The following IL1RAPL2 variants were observed in gnomAD, a reference collection of about 807,000 sequenced individuals.
The protein encoded by IL1RAPL2 is interleukin 1 receptor accessory protein like 2.
A neutral mutation model predicts 44.1 loss-of-function variants in IL1RAPL2; 3 were observed. That is an observed-to-expected ratio of 0.07 (90% CI 0.03 to 0.18). The LOEUF is 0.18. Among genes scored for constraint, IL1RAPL2 ranks in the 10% least tolerant of loss-of-function variants. The probability of loss-of-function intolerance (pLI) is 1.00; values close to 1 mark genes in which losing one functional copy is unlikely to be tolerated. For missense variants in IL1RAPL2, 391 were observed against 496.4 expected (o/e 0.79, Z 2.02); for synonymous variants, 181 against 178.8 (o/e 1.01, Z -0.10).
intron 2 of IL1RAPL2, among the ~76,000 whole-genome samples, chrX:105,118,759 ATAGT>A (rs1296061943): frequency 8.9e-6 from 1 of 112,360 alleles, no homozygotes; most frequent in Non-Finnish European, 1.9e-5. Context: ...TCATGCACAG[ATAGT>A]TATTACCCTG....
At chrX:104,627,920 GA>G (rs772273871) in intron 1 of IL1RAPL2, among the ~76,000 whole-genome samples, 5 of 108,050 alleles carry the variant, frequency 4.6e-5, no homozygotes, top group East Asian at 2.9e-4. Context: ...TCATTGAAAA[GA>G]AAAAAAAATC....
chrX:104,653,656 G>C (rs1158160869), intron 1 of IL1RAPL2, among the ~76,000 whole-genome samples: 1 of 111,165 alleles, frequency 9.0e-6, no homozygotes, highest in Non-Finnish European at 1.9e-5. Flanking sequence ...CTGAATTTAG[G>C]ATATCAGGTA....
chrX:104,837,163 A>G (rs1921764817), intron 2 of IL1RAPL2, among the ~76,000 whole-genome samples: 1 of 111,340 alleles, frequency 9.0e-6, no homozygotes, highest in Non-Finnish European at 1.9e-5. Context: ...TGTCTTTGCT[A>G]TTGTAAATAA....
chrX:105,335,691 A>G (rs1013327134), intron 5 of IL1RAPL2, among the ~76,000 whole-genome samples: 1 of 111,238 alleles, frequency 9.0e-6, no homozygotes, highest in African/African-American at 3.3e-5. Context: ...ACCACCTCAA[A>G]TAGTTGGATC....
chrX:105,242,895 T>A (rs7065394), intron 4 of IL1RAPL2, among the ~76,000 whole-genome samples: 8,639 of 109,469 alleles, frequency 0.079, 891 homozygotes, highest in African/African-American at 0.27. Flanking sequence ...AGGTCAGGAG[T>A]TCGAGACCAG....
chrX:105,733,600 A>C (rs1044948371), intron 7 of IL1RAPL2, among the ~76,000 whole-genome samples: 8 of 110,980 alleles, frequency 7.2e-5, no homozygotes, highest in Non-Finnish European at 1.5e-4. Context: ...CTATTGACAT[A>C]TCTTCAAATG....
chrX:105,438,888 G>C (rs1330447646), intron 5 of IL1RAPL2, among the ~76,000 whole-genome samples: 1 of 110,887 alleles, frequency 9.0e-6, no homozygotes, highest in South Asian at 3.9e-4. Flanking sequence ...CAAATCTCAT[G>C]TGGAATTGGA....
intron 1 of IL1RAPL2, among the ~76,000 whole-genome samples, chrX:104,603,242 C>A (rs1392606371): frequency 9.0e-6 from 1 of 110,935 alleles, no homozygotes; most frequent in Non-Finnish European, 1.9e-5. Context: ...AGGGGTCTGT[C>A]AGAAGGAAAA....
At chrX:105,026,583 T>C in intron 2 of IL1RAPL2, among the ~76,000 whole-genome samples, 1 of 110,701 alleles carries the variant, frequency 9.0e-6, no homozygotes, top group Non-Finnish European at 1.9e-5. Context: ...AAAAAAGTAA[T>C]TCTGTTTACA....
At chrX:105,123,810 C>T (rs1453768539) in intron 2 of IL1RAPL2, among the ~76,000 whole-genome samples, 1 of 110,913 alleles carries the variant, frequency 9.0e-6, no homozygotes, top group African/African-American at 3.3e-5. Flanking sequence ...TATCAACGTT[C>T]TCTTTTTATC....
intron 6 of IL1RAPL2, among the ~76,000 whole-genome samples, chrX:105,683,609 T>TA (rs1238375876): frequency 5.5e-5 from 6 of 108,657 alleles, no homozygotes; most frequent in South Asian, 3.9e-4. Flanking sequence ...ATTTGAAGAG[T>TA]AAAAAAACAG....
chrX:105,084,757 A>G (rs1224982694), intron 2 of IL1RAPL2, among the ~76,000 whole-genome samples: 6 of 111,484 alleles, frequency 5.4e-5, no homozygotes, highest in African/African-American at 2.0e-4. Flanking sequence ...TATAAAAAGT[A>G]CATGACATTT....
At chrX:105,695,934 T>C (rs967291310) in intron 6 of IL1RAPL2, among the ~76,000 whole-genome samples, 11 of 112,136 alleles carry the variant, frequency 9.8e-5, no homozygotes, top group African/African-American at 2.9e-4. Context: ...GCATACAATA[T>C]TCTCTAATGA....
At chrX:104,816,418 C>T (rs1490417496) in intron 2 of IL1RAPL2, among the ~76,000 whole-genome samples, 1 of 112,196 alleles carries the variant, frequency 8.9e-6, no homozygotes, top group East Asian at 2.8e-4. Flanking sequence ...TAGAGGAAGG[C>T]ACGCAGTGAG....
intron 1 of IL1RAPL2, among the ~76,000 whole-genome samples, chrX:104,604,563 T>C (rs1213180469): frequency 1.0e-5 from 1 of 99,315 alleles, no homozygotes; most frequent in Non-Finnish European, 2.0e-5. Context: ...AGAAGACCCA[T>C]CTCATGTGCA....
rs199567660 is a variant in IL1RAPL2, at chrX:104,626,824, C to CTTTT, written c.-19-32060_-19-32057dup. ...TCCAATTGTAGTGTTTTGTAGATAA[C>CTTTT]TTTTTTTTTTTTTTGAGACAGAGTC... is the stretch of plus-strand genomic sequence containing the variant. On this transcript the variant is annotated intron_variant, in intron 1 of 10. Transcript: ENST00000372582. Among the ~76,000 whole-genome samples the CTTTT allele has an allele frequency of 4.0e-5, 4 of 98,838 alleles. 1 individual carries two copies. Among genetic ancestry groups the CTTTT allele is most frequent in the Non-Finnish European group, 6.1e-5 (3 of 48,956 alleles). 85.8% of individuals were successfully genotyped at this position (98,838 alleles called of 115,157 possible).
intron 6 of IL1RAPL2, among the ~76,000 whole-genome samples, chrX:105,565,219 T>C (rs2036966392): frequency 8.9e-6 from 1 of 111,781 alleles, no homozygotes; most frequent in Non-Finnish European, 1.9e-5. Flanking sequence ...TTTAGAATGC[T>C]CTCTAGACCA....
chrX:104,835,890 A>G (rs1035464321), intron 2 of IL1RAPL2, among the ~76,000 whole-genome samples: 1 of 111,778 alleles, frequency 8.9e-6, no homozygotes, highest in African/African-American at 3.2e-5. Context: ...ATAACATTGT[A>G]GTTGCAGTCA....
At chrX:105,426,031 T>A (rs1281877523) in intron 5 of IL1RAPL2, among the ~76,000 whole-genome samples, 3 of 108,647 alleles carry the variant, frequency 2.8e-5, no homozygotes, top group Non-Finnish European at 3.8e-5. Flanking sequence ...TTTTTTTTTT[T>A]ATGTTTTGCC....
Sources: gnomAD v4.1 joint callset for allele counts (sites outside exome capture counted in the v4.1 genomes callset) on GRCh38, gnomAD v4.1.1 for gene constraint, MANE v1.5 for transcripts, NCBI Gene and HGNC (gene_info 2026-07-23, HGNC 2026-07-21) for gene names.